WWP1: variants seen among roughly 807,000 people sequenced by gnomAD.
WWP1 encodes the protein NEDD4-like E3 ubiquitin-protein ligase WWP1.
A neutral mutation model predicts 130.6 loss-of-function variants in WWP1; 49 were observed. The observed-to-expected ratio is 0.38, with a 90% CI of 0.30 to 0.48. WWP1 has a LOEUF of 0.48. WWP1 is among the 20% of genes least tolerant of loss of function. The pLI is 0.99. For missense variants in WWP1, 809 were observed against 1,100.6 expected (o/e 0.74, Z 3.75); for synonymous variants, 332 against 367.8 (o/e 0.90, Z 1.11).
chr8:86,396,283 T>G (rs1032734766), intron 5 of WWP1, among the ~76,000 whole-genome samples: 1 of 152,090 alleles, frequency 6.6e-6, no homozygotes, highest in Non-Finnish European at 1.5e-5. Context: ...GTATTTTTTG[T>G]AGAGACGGGG....
Position 86,458,027 on chromosome 8 carries a change from T to TA in WWP1, c.2499+3dup. On this transcript the variant is annotated splice_region_variant and intron_variant, in intron 22 of 24. Transcript: ENST00000517970. ...AAGCAAATCATTTGGTTTTGGCAGG[T>TA]ATTTGCTTTTATCTTTTTTGAAACA... 6.2e-7 allele frequency: 1 copy of TA among 1,609,342 alleles called. No individual in the cohort carries two copies. Among genetic ancestry groups the TA allele is most frequent in the Non-Finnish European group, 8.5e-7 (1 of 1,176,400 alleles).
chr8:86,368,769 A>T (rs1409034762), intron 1 of WWP1, among the ~76,000 whole-genome samples, 170 bp from the exon 2 acceptor site: 13 of 152,138 alleles, frequency 8.5e-5, no homozygotes, highest in Admixed American at 8.5e-4. Flanking sequence ...CTCTTGAAGA[A>T]TTACACACTT....
intron 11 of WWP1, among the ~76,000 whole-genome samples, chr8:86,429,077 G>A (rs1383867531): frequency 6.6e-6 from 1 of 152,128 alleles, no homozygotes; most frequent in Non-Finnish European, 1.5e-5. Context: ...CTGCCCTTTT[G>A]CTCTGCCATC....
chr8:86,451,214 T>TAAAAAAAAAAAAAAA lies in WWP1; in HGVS notation c.2274-1320_2274-1306dup, dbSNP rs61141803. Among the ~76,000 whole-genome samples, 107 of 43,678 alleles carry TAAAAAAAAAAAAAAA rather than the reference T, an allele frequency of 2.4e-3. 13 individuals carry two copies. Among genetic ancestry groups the TAAAAAAAAAAAAAAA allele is most frequent in the Non-Finnish European group, 3.6e-3 (86 of 23,622 alleles). 28.7% of individuals were successfully genotyped at this position (43,678 alleles called of 152,430 possible). A position where few individuals can be genotyped will look rare whatever the true frequency, so the allele number is the denominator to read the frequency against. On this transcript the variant is annotated intron_variant, in intron 20 of 24. Coordinates refer to ENST00000517970, the MANE Select transcript of WWP1 (RefSeq NM_007013.4). Reference sequence around the variant, plus strand: ...GCAACCGAGTGAGACCCTATGTTATTAAAAAAAAAAAAAAAAAAAAAAAAA... The same window carrying TAAAAAAAAAAAAAAA: ...GCAACCGAGTGAGACCCTATGTTATTAAAAAAAAAAAAAAAAAAAAAAAAAAAAAAAAAAAAAAAA...
intron 1 of WWP1, among the ~76,000 whole-genome samples, chr8:86,351,343 CT>C (rs914642519): frequency 6.6e-6 from 1 of 151,808 alleles, no homozygotes; most frequent in Admixed American, 6.6e-5. Flanking sequence ...CCACCCCCAG[CT>C]TTTTTTTGAG....
intron 12 of WWP1, 78 bp downstream of exon 12, chr8:86,430,829 A>ATG (rs1554571507): frequency 1.0e-4 from 55 of 538,086 alleles, no homozygotes; most frequent in African/African-American, 6.3e-4. Context: ...ATATATATAT[A>ATG]TATGTTCCTT....
chr8:86,344,515 G>C (rs1025225511), intron 1 of WWP1, among the ~76,000 whole-genome samples: 2 of 152,152 alleles, frequency 1.3e-5, no homozygotes, highest in African/African-American at 4.8e-5. Flanking sequence ...AGCAATTTCT[G>C]CCTTCACACT....
At chr8:86,383,885 T>TAAGAAGTC (rs2130381523) in intron 5 of WWP1, among the ~76,000 whole-genome samples, 2 of 152,314 alleles carry the variant, frequency 1.3e-5, no homozygotes, top group Admixed American at 1.3e-4. Flanking sequence ...CCTGCACACC[T>TAAGAAGTC]AAGAAGTCGG....
intron 2 of WWP1, among the ~76,000 whole-genome samples, chr8:86,369,367 A>G (rs1824154738): frequency 6.6e-6 from 1 of 152,184 alleles, no homozygotes; most frequent in Admixed American, 6.5e-5. Flanking sequence ...AGATGGTATC[A>G]TTTTTTAACT....
At chr8:86,368,233 T>G (rs1211366581) in intron 1 of WWP1, among the ~76,000 whole-genome samples, 2 of 152,218 alleles carry the variant, frequency 1.3e-5, no homozygotes, top group Non-Finnish European at 2.9e-5. Context: ...GACTTTGTTT[T>G]TCCTATTCTA....
intron 5 of WWP1, among the ~76,000 whole-genome samples, chr8:86,385,766 T>C (rs1235735490): frequency 6.6e-6 from 1 of 152,204 alleles, no homozygotes; most frequent in Non-Finnish European, 1.5e-5. Context: ...TTTTTTTCAG[T>C]GCTTCCCACA....
chr8:86,411,594 C>G lies in WWP1; in HGVS notation c.781C>G (p.Pro261Ala). The G allele has an allele frequency of 6.2e-7, 1 of 1,614,022 alleles. No homozygotes were observed. The highest frequency in any genetic ancestry group is 1.3e-5 in the African/African-American group (1 of 75,048). ...TGATAATGCGTCTGTCACGGGTACT[C>G]CAGTAGTGTCTGAAGAAAATGCCTT... ...PTDNASVTGT[P>A]VVSEENALSP... Residue 261 changes from proline (P) to alanine (A), a missense_variant, in exon 9 of 25, where the codon CCA (proline) becomes GCA (alanine). By Grantham distance (27) the Pro-to-Ala change is conservative. Coordinates refer to ENST00000517970, the MANE Select transcript of WWP1 (RefSeq NM_007013.4).
intron 9 of WWP1, among the ~76,000 whole-genome samples, chr8:86,423,855 G>A (rs1355947498): frequency 1.2e-4 from 17 of 136,788 alleles, no homozygotes; most frequent in African/African-American, 1.4e-4. Flanking sequence ...GGGCAGAGGC[G>A]CCCCCCACCT....
rs1420581481 is a variant in WWP1 at position 86,368,920 on chromosome 8, G to A, written c.-114-19G>A. The A allele has an allele frequency of 2.6e-5, 4 of 152,250 alleles. No individual in the cohort carries two copies. In the East Asian group the frequency reaches 7.7e-4, roughly 29 times the overall value. The allele number at this position is 152,250 out of a possible 1,614,324, so 9.4% of individuals were successfully genotyped here. ...TATTTTAGGAATTATCACACTGAAAGCTATTTATTTGTTTACAGGGTTGTC... is the reference window on the plus strand; with the variant it reads ...TATTTTAGGAATTATCACACTGAAAACTATTTATTTGTTTACAGGGTTGTC... On this transcript the variant is annotated intron_variant, in intron 1 of 24. Transcript: ENST00000517970.
At chr8:86,388,265 T>C (rs1825404185) in intron 5 of WWP1, among the ~76,000 whole-genome samples, 1 of 151,986 alleles carries the variant, frequency 6.6e-6, no homozygotes, top group African/African-American at 2.4e-5. Context: ...CTGTTTTTTT[T>C]TTCCTTTTTT....
intron 12 of WWP1, among the ~76,000 whole-genome samples, chr8:86,431,080 GAT>G (rs35869673): frequency 0.12 from 16,433 of 132,964 alleles, 2,721 homozygotes; most frequent in African/African-American, 0.38. Context: ...TATTATAAGG[GAT>G]ATATATATGT....
chr8:86,380,614 A>G, intron 3 of WWP1, 112 bp from the exon 4 acceptor site: 1 of 1,205,908 alleles, frequency 8.3e-7, no homozygotes, highest in Non-Finnish European at 1.1e-6. Flanking sequence ...CATTCTGCCA[A>G]CGAGAAGAGT....
intron 21 of WWP1, among the ~76,000 whole-genome samples, chr8:86,454,708 C>T (rs1169628351): frequency 6.6e-6 from 1 of 151,916 alleles, no homozygotes; most frequent in African/African-American, 2.4e-5. Flanking sequence ...GGAGATGAAA[C>T]TAAAACGGGA....
At chr8:86,454,230 A>T in intron 21 of WWP1, among the ~76,000 whole-genome samples, 1 of 152,172 alleles carries the variant, frequency 6.6e-6, no homozygotes, top group East Asian at 1.9e-4. Flanking sequence ...TAGATTACTT[A>T]TAAATACCTA....
Sources: gnomAD v4.1 joint callset for allele counts (sites outside exome capture counted in the v4.1 genomes callset) on GRCh38, gnomAD v4.1.1 for gene constraint, MANE v1.5 for transcripts, NCBI Gene and HGNC (gene_info 2026-07-23, HGNC 2026-07-21) for gene names.